The following CDH4 variants were observed in gnomAD, a reference collection of about 807,000 sequenced individuals.
CDH4 encodes the protein cadherin-4.
In CDH4, 33 loss-of-function variants were observed where a neutral mutation model predicts 86.0. The observed-to-expected ratio is 0.38, with a 90% CI of 0.29 to 0.51. CDH4 has a LOEUF of 0.51. CDH4 is among the 20% of genes least tolerant of loss of function. The pLI is 0.86. For missense variants in CDH4, 1,114 were observed against 1,307.4 expected, an observed-to-expected ratio of 0.85 and a Z score of 2.28; for synonymous variants, 555 against 549.4, an observed-to-expected ratio of 1.01 and a Z score of -0.14.
Position 61,269,079 on chromosome 20 carries a change from A to G in CDH4, c.169+14142A>G, listed in dbSNP as rs1483317465. Reference sequence around the variant, plus strand: ...TGGTCCTGGGGCTCGGCCCCACTTGAGGGGTTAACAGCACCACTGTCTGTT... The same window carrying G: ...TGGTCCTGGGGCTCGGCCCCACTTGGGGGGTTAACAGCACCACTGTCTGTT... On this transcript the variant is annotated intron_variant, in intron 2 of 15. Coordinates refer to ENST00000614565, the MANE Select transcript of CDH4 (RefSeq NM_001794.5). The surrounding 1 kb of genome is among the most constrained non-coding windows in gnomAD (Gnocchi z 5.3). Among the ~76,000 whole-genome samples the G allele has an allele frequency of 1.3e-5, 2 of 152,102 alleles. No homozygotes were observed. The highest frequency in any genetic ancestry group is 3.9e-4 in the East Asian group (2 of 5,182).
intron 4 of CDH4, among the ~76,000 whole-genome samples, chr20:61,839,755 GTGT>G (rs1170242255): frequency 1.3e-5 from 2 of 151,568 alleles, no homozygotes; most frequent in East Asian, 1.9e-4. Context: ...GTATGTTTGT[GTGT>G]TGTATATGTG....
At chr20:61,736,739 C>A (rs2088269885) in intron 2 of CDH4, among the ~76,000 whole-genome samples, 1 of 152,080 alleles carries the variant, frequency 6.6e-6, no homozygotes. Context: ...CAGGCGGGGT[C>A]CCTTCTTAGG....
intron 3 of CDH4, among the ~76,000 whole-genome samples, chr20:61,772,295 AGCCTCCACCCACT>A: frequency 6.6e-6 from 1 of 152,126 alleles, no homozygotes; most frequent in East Asian, 1.9e-4. Flanking sequence ...GACTCCCATC[AGCCTCCACCCACT>A]GACTCACTGC....
chr20:61,321,785 C>G (rs763590276), intron 2 of CDH4, among the ~76,000 whole-genome samples: 53 of 152,198 alleles, frequency 3.5e-4, no homozygotes, highest in Non-Finnish European at 6.8e-4. Flanking sequence ...ACTTAGTTTC[C>G]ATGATGTTAA....
chr20:61,845,904 G>T (rs1406877068), intron 5 of CDH4, among the ~76,000 whole-genome samples: 1 of 152,244 alleles, frequency 6.6e-6, no homozygotes, highest in Non-Finnish European at 1.5e-5. Context: ...TTGTTTTGGG[G>T]TTCATTCATT....
intron 2 of CDH4, among the ~76,000 whole-genome samples, chr20:61,689,562 T>C (rs2087628287): frequency 1.1e-5 from 1 of 90,694 alleles, no homozygotes; most frequent in Non-Finnish European, 2.2e-5. Context: ...GGGACAGTGG[T>C]TGGTGAGGTG....
chr20:61,487,672 T>C (rs985690748), intron 2 of CDH4, among the ~76,000 whole-genome samples: 3 of 152,218 alleles, frequency 2.0e-5, no homozygotes, highest in Admixed American at 2.0e-4. Context: ...AGCAGGTTAA[T>C]TTGTACTAGA....
intron 2 of CDH4, among the ~76,000 whole-genome samples, chr20:61,716,446 G>C (rs1228096614): frequency 1.3e-5 from 2 of 152,234 alleles, no homozygotes; most frequent in Non-Finnish European, 2.9e-5. Flanking sequence ...CTGGGGCTTT[G>C]GGGGCAGGAC....
At chr20:61,707,463 G>C (rs2087843989) in intron 2 of CDH4, among the ~76,000 whole-genome samples, 1 of 152,204 alleles carries the variant, frequency 6.6e-6, no homozygotes, top group East Asian at 1.9e-4. Flanking sequence ...TGGCACCCTG[G>C]GGTGCTGGGT....
intron 2 of CDH4, among the ~76,000 whole-genome samples, chr20:61,552,265 C>A (rs543243622): frequency 6.6e-6 from 1 of 152,144 alleles, no homozygotes; most frequent in Admixed American, 6.5e-5. Flanking sequence ...AGAACTCTTA[C>A]AACTTAATAA....
rs1431701451 is a variant in CDH4 at position 61,898,931 on chromosome 20, C to T, written c.1188+3884C>T. ...ACAGACCTGGAGTCCTGTCCCGTCTCGGTCTTTCATAGGTGAGGGGCTTAC... is the reference window on the plus strand; with the variant it reads ...ACAGACCTGGAGTCCTGTCCCGTCTTGGTCTTTCATAGGTGAGGGGCTTAC... On this transcript the variant is annotated intron_variant, in intron 8 of 15. Transcript: ENST00000614565. 1.8e-3 allele frequency among the ~76,000 whole-genome samples: 271 copies of T among 152,324 alleles called. 5 individuals carry two copies. The highest frequency in any genetic ancestry group is 0.017 in the Admixed American group (267 of 15,304).
chr20:61,381,190 C>T (rs1173807029), intron 2 of CDH4, among the ~76,000 whole-genome samples: 2 of 152,106 alleles, frequency 1.3e-5, no homozygotes, highest in Non-Finnish European at 2.9e-5. Flanking sequence ...ATGCGTCTTC[C>T]AAAGAAGCTG....
chr20:61,852,948 G>A, intron 6 of CDH4, 50 bp downstream of exon 6: 10 of 1,595,492 alleles, frequency 6.3e-6, no homozygotes, highest in East Asian at 2.3e-5. Flanking sequence ...CTCTGCGGGT[G>A]CAGCACAGGC....
intron 8 of CDH4, among the ~76,000 whole-genome samples, chr20:61,900,187 A>C (rs1396877925): frequency 6.6e-6 from 1 of 152,104 alleles, no homozygotes; most frequent in Non-Finnish European, 1.5e-5. Context: ...CTGCGTGCCC[A>C]CTCTGGCCAA....
At position 61,750,270 on chromosome 20, in the gene CDH4, T is replaced by A. The variant is rs1600945656; in HGVS notation, c.396+6481T>A. ...AAGAAAAGGTATAAACTGCAACTAA[T>A]CCTTATCAGGAATGAAAAGATGACA... On this transcript the variant is annotated intron_variant, in intron 3 of 15. Coordinates refer to ENST00000614565, the MANE Select transcript of CDH4 (RefSeq NM_001794.5). Among the ~76,000 whole-genome samples the A allele has an allele frequency of 5.9e-5, 9 of 152,198 alleles. No homozygotes were observed. The South Asian group carries it at 1.9e-3, about 32-fold the overall frequency.
chr20:61,477,409 A>G (rs1287680923), intron 2 of CDH4, among the ~76,000 whole-genome samples: 1 of 152,256 alleles, frequency 6.6e-6, no homozygotes, highest in East Asian at 1.9e-4. Flanking sequence ...GGTATTGTCA[A>G]GATGGCAGAC....
Position 61,723,951 on chromosome 20 carries a change from G to C in CDH4, c.170-19612G>C, listed in dbSNP as rs1397414245. Among the ~76,000 whole-genome samples, 50 of 144,576 alleles carry C rather than the reference G, an allele frequency of 3.5e-4. No individual in the cohort carries two copies. In the South Asian group the frequency reaches 0.013, roughly 38 times the overall value. 94.8% of individuals were successfully genotyped at this position (144,576 alleles called of 152,430 possible). A position where few individuals can be genotyped will look rare whatever the true frequency, so the allele number is the denominator to read the frequency against. On this transcript the variant is annotated intron_variant, in intron 2 of 15. Transcript: ENST00000614565. ...GCAGGGGGGTAGGTCCCCATGCAGG[G>C]GGCACAGGATGGAGGCTCCATGTGG...
chr20:61,728,505 G>A (rs953644979), intron 2 of CDH4, among the ~76,000 whole-genome samples: 1 of 152,130 alleles, frequency 6.6e-6, no homozygotes, highest in Admixed American at 6.5e-5. Flanking sequence ...GGTGGGGAGT[G>A]GCAGTGAGCC....
chr20:61,504,573 G>C (rs1267846000), intron 2 of CDH4, among the ~76,000 whole-genome samples: 1 of 152,182 alleles, frequency 6.6e-6, no homozygotes, highest in African/African-American at 2.4e-5. Flanking sequence ...GTTTCATCCT[G>C]ACCGCATTCC....
Sources: allele counts gnomAD v4.1 joint callset (sites outside exome capture counted in the v4.1 genomes callset), GRCh38; gene constraint gnomAD v4.1.1; non-coding constraint Gnocchi (gnomAD v3.1); transcripts MANE v1.5; gene names NCBI Gene and HGNC (gene_info 2026-07-23, HGNC 2026-07-21).